The following LRP4 variants were observed in gnomAD, a reference collection of about 807,000 sequenced individuals.
LRP4 encodes low-density lipoprotein receptor-related protein 4.
LRP4 carries 95 observed loss-of-function variants against 220.3 expected under a neutral mutation model. The ratio of observed to expected loss-of-function variants is 0.43; its 90% CI spans 0.37 to 0.51. LRP4 has a LOEUF of 0.51. LRP4 is among the 20% of genes least tolerant of loss of function. The pLI, the probability that LRP4 is intolerant of heterozygous loss-of-function variation, is 0.00. For missense variants in LRP4, 1,925 were observed against 2,567.0 expected (o/e 0.75, Z 5.40); for synonymous variants, 903 against 954.6 (o/e 0.95, Z 1.00).
intron 2 of LRP4, among the ~76,000 whole-genome samples, chr11:46,900,857 G>C (rs1941651989): frequency 1.3e-5 from 2 of 151,622 alleles, no homozygotes; most frequent in South Asian, 4.2e-4. Context: ...TATGATCTCG[G>C]CTCACTGCAA....
chr11:46,886,224 G>A, intron 17 of LRP4, 52 bp from the exon 18 acceptor site: 1 of 1,599,832 alleles, frequency 6.3e-7, no homozygotes, highest in Non-Finnish European at 8.6e-7. Context: ...TCTAGTTCTG[G>A]AGCCCAAACT....
intron 1 of LRP4, among the ~76,000 whole-genome samples, chr11:46,906,676 G>A (rs577734665): frequency 3.9e-5 from 6 of 152,266 alleles, no homozygotes; most frequent in African/African-American, 1.2e-4. Context: ...CTGGGGCTGC[G>A]TGCAAATGAA....
At chr11:46,911,841 C>CTTTTTTTTT (rs540593524) in intron 1 of LRP4, among the ~76,000 whole-genome samples, 1 of 118,810 alleles carries the variant, frequency 8.4e-6, no homozygotes, top group Non-Finnish European at 1.7e-5. Flanking sequence ...TGGGAATCTT[C>CTTTTTTTTT]TTTTTTTTTT....
chr11:46,881,866 T>G lies in LRP4; in HGVS notation c.2650A>C (p.Ile884Leu). ...GAGGCATCCATGCCAGCTCGTTCAA[T>G]CTTGGGGCTCGCACCCCAGTCAGTC... The part of the protein sequence containing the change: ...YWTDWGASPK[I>L]ERAGMDASGR... The change falls in exon 20 of 38, where the codon ATT becomes CTT. Residue 884 changes from isoleucine (I) to leucine (L), a missense_variant. Ile to Leu is a conservative substitution (Grantham distance 5). This residue lies in a region of LRP4 where 1,244 missense variants were observed against 1,624.9 expected (regional missense o/e 0.77). Coordinates refer to ENST00000378623, the MANE Select transcript of LRP4 (RefSeq NM_002334.4). 1 of 1,614,126 alleles carries G rather than the reference T, an allele frequency of 6.2e-7. No homozygotes were observed. The highest frequency in any genetic ancestry group is 8.5e-7 in the Non-Finnish European group (1 of 1,179,996).
chr11:46,865,241 G>T, intron 34 of LRP4, 55 bp from the exon 35 acceptor site: 2 of 1,315,120 alleles, frequency 1.5e-6, no homozygotes, highest in Non-Finnish European at 2.1e-6. Flanking sequence ...TGAAGGTCAT[G>T]CCTTCCTCCA....
chr11:46,895,318 T>C, intron 10 of LRP4, 27 bp from the exon 11 acceptor site: 1 of 1,609,796 alleles, frequency 6.2e-7, no homozygotes, highest in Non-Finnish European at 8.5e-7. Context: ...GGTCAAGAGA[T>C]CTCCCTTCTG....
chr11:46,914,415 C>T (rs148588261), intron 1 of LRP4, among the ~76,000 whole-genome samples: 5 of 152,336 alleles, frequency 3.3e-5, no homozygotes, highest in African/African-American at 9.6e-5. Context: ...TTGAGGAATG[C>T]TCCCGATTGT....
rs1342214923 is a variant in LRP4 at position 46,871,592 on chromosome 11, G to C, written c.4625C>G (p.Ala1542Gly). 1 of 1,613,094 alleles carries C rather than the reference G, an allele frequency of 6.2e-7. No homozygotes were observed. The highest frequency in any genetic ancestry group is 8.5e-7 in the Non-Finnish European group (1 of 1,179,552). ...CTGCCGCAGTTTCCCATTGAGGTCA[G>C]CACTCTCGATCCGGTCCAGATGCGC... ...VDAHLDRIES[A>G]DLNGKLRQVL... Residue 1542 changes from alanine to glycine, a missense_variant, in exon 31 of 38, where the codon GCT becomes GGT. Physicochemically the swap from Ala to Gly is moderately conservative, Grantham distance 60. This residue lies in a region of LRP4 where 1,244 missense variants were observed against 1,624.9 expected (regional missense o/e 0.77). Transcript: ENST00000378623.
intron 20 of LRP4, among the ~76,000 whole-genome samples, chr11:46,881,453 C>A (rs1240532163): frequency 6.6e-6 from 1 of 152,202 alleles, no homozygotes; most frequent in Non-Finnish European, 1.5e-5. Flanking sequence ...ACACCCCCAG[C>A]TCACAATCCA....
chr11:46,893,193 T>C lies in LRP4; in HGVS notation c.1541-64A>G. 6 of 1,594,014 alleles carry C rather than the reference T, an allele frequency of 3.8e-6. No individual in the cohort carries two copies. In the Admixed American group the frequency reaches 6.7e-5, roughly 18 times the overall value. ...CCCAGGCCCCCATGTCCCATAGTAA[T>C]AGGAGCAAACTCTTACAGGAAGCAA... On this transcript the variant is annotated intron_variant, in intron 12 of 37. Coordinates refer to ENST00000378623, the MANE Select transcript of LRP4 (RefSeq NM_002334.4).
chr11:46,882,615 G>A (rs1198626737), intron 19 of LRP4, among the ~76,000 whole-genome samples: 1 of 152,164 alleles, frequency 6.6e-6, no homozygotes, highest in African/African-American at 2.4e-5. Context: ...ACTTTGGGAG[G>A]CTGAAGCAGG....
chr11:46,871,615 C>A lies in LRP4; in HGVS notation c.4602G>T (p.Ala1534=), dbSNP rs562126805. ...YDTRRIYWVD[A]HLDRIESADL... is the part of the protein sequence containing the mutation. ...CAGCACTCTCGATCCGGTCCAGATG[C>A]GCATCCACCCAGTAGATCCTGCGAA... Residue 1534 remains alanine, a synonymous_variant, in exon 31 of 38, where the codon GCG becomes GCT. Transcript: ENST00000378623. The A allele has an allele frequency of 1.2e-6, 2 of 1,611,360 alleles. No homozygotes were observed. The highest frequency in any genetic ancestry group is 4.5e-5 in the East Asian group (2 of 44,790).
At chr11:46,888,247 G>A (rs550072400) in intron 16 of LRP4, among the ~76,000 whole-genome samples, 17 of 21,478 alleles carry the variant, frequency 7.9e-4, no homozygotes, top group African/African-American at 1.0e-3. Context: ...ACTTGAACCC[G>A]GGAGGCGGAC....
intron 2 of LRP4, among the ~76,000 whole-genome samples, chr11:46,900,708 C>T (rs1941648839): frequency 6.6e-6 from 1 of 151,848 alleles, no homozygotes; most frequent in Non-Finnish European, 1.5e-5. Context: ...CCAGGCTGGT[C>T]TCAAACCCCC....
At chr11:46,897,054 C>A in intron 7 of LRP4, 60 bp from the exon 8 acceptor site, 1 of 1,610,584 alleles carries the variant, frequency 6.2e-7, no homozygotes, top group Non-Finnish European at 8.5e-7. Flanking sequence ...ATTCTCCCTG[C>A]CACCCAAATC....
Position 46,872,708 on chromosome 11 carries a change from C to T in LRP4, c.4583+392G>A, listed in dbSNP as rs185694144. Reference sequence around the variant, plus strand: ...GCAGAGAGCTGTGACTGCGCCACTGCACTCCAGCCTGGGCAACAGAGCAAG... The same window carrying T: ...GCAGAGAGCTGTGACTGCGCCACTGTACTCCAGCCTGGGCAACAGAGCAAG... On this transcript the variant is annotated intron_variant, in intron 30 of 37. Transcript: ENST00000378623. Among the ~76,000 whole-genome samples, 943 of 152,220 alleles carry T rather than the reference C, an allele frequency of 6.2e-3. 9 individuals carry two copies. The highest frequency in any genetic ancestry group is 9.3e-3 in the Non-Finnish European group (633 of 68,010).
chr11:46,874,532 G>A, intron 28 of LRP4: 1 of 466,564 alleles, frequency 2.1e-6, no homozygotes, highest in South Asian at 2.4e-5. Context: ...CACAATGGTA[G>A]ATGTGAAAGT....
At chr11:46,872,788 T>C (rs1940904858) in intron 30 of LRP4, among the ~76,000 whole-genome samples, 1 of 152,190 alleles carries the variant, frequency 6.6e-6, no homozygotes, top group South Asian at 2.1e-4. Context: ...GGATTTGTTA[T>C]ATTATAACAA....
intron 31 of LRP4, among the ~76,000 whole-genome samples, chr11:46,870,785 C>A (rs1356245886): frequency 6.6e-6 from 1 of 152,014 alleles, no homozygotes; most frequent in Non-Finnish European, 1.5e-5. Flanking sequence ...TTTTCCTGGC[C>A]CAAATTATTT....
Sources: allele counts gnomAD v4.1 joint callset (sites outside exome capture counted in the v4.1 genomes callset), GRCh38; gene constraint gnomAD v4.1.1; regional missense constraint gnomAD v4.1.1; transcripts MANE v1.5; gene names NCBI Gene and HGNC (gene_info 2026-07-23, HGNC 2026-07-21).